The following THSD4 variants were observed in gnomAD, a reference collection of about 807,000 sequenced individuals.
THSD4 encodes the protein thrombospondin type-1 domain-containing protein 4.
A neutral mutation model predicts 119.0 loss-of-function variants in THSD4; 69 were observed. That is an observed-to-expected ratio of 0.58 (90% CI 0.48 to 0.71). The LOEUF is 0.71. Ranked by LOEUF, THSD4 falls within the 30% of genes least tolerant of loss-of-function variation. THSD4 has a pLI of 0.00. For synonymous variants in THSD4, 524 were observed against 540.4 expected, an observed-to-expected ratio of 0.97 and a Z score of 0.42; for missense variants, 1,393 against 1,391.1, an observed-to-expected ratio of 1.00 and a Z score of -0.02.
At chr15:71,145,038 CTTTA>C (rs2040643427) in intron 2 of THSD4, among the ~76,000 whole-genome samples, 1 of 151,554 alleles carries the variant, frequency 6.6e-6, no homozygotes, top group South Asian at 2.1e-4. Flanking sequence ...ACAATTACAT[CTTTA>C]TTTGTTTGTT....
chr15:71,193,247 T>C (rs566828478), intron 3 of THSD4, among the ~76,000 whole-genome samples: 1 of 152,290 alleles, frequency 6.6e-6, no homozygotes, highest in East Asian at 1.9e-4. Context: ...ACCCCCTCTT[T>C]CCTGTAAGCT....
At chr15:71,536,838 C>CT (rs2048694672) in intron 7 of THSD4, among the ~76,000 whole-genome samples, 1 of 152,228 alleles carries the variant, frequency 6.6e-6, no homozygotes, top group South Asian at 2.1e-4. Flanking sequence ...TATCCTCATT[C>CT]TTTTGCGTGT....
intron 7 of THSD4, among the ~76,000 whole-genome samples, chr15:71,546,079 G>A (rs79714492): frequency 1.9e-3 from 288 of 152,210 alleles, no homozygotes; most frequent in African/African-American, 6.8e-3. Flanking sequence ...TTTGTGCCTA[G>A]GTGAGCTCAT....
chr15:71,435,034 G>A (rs186149343), intron 7 of THSD4, among the ~76,000 whole-genome samples: 3 of 152,298 alleles, frequency 2.0e-5, no homozygotes, highest in Admixed American at 2.0e-4. Flanking sequence ...ACTTAAAGAT[G>A]AGCTGCACAA....
chr15:71,198,675 G>T (rs1311600624), intron 3 of THSD4, among the ~76,000 whole-genome samples: 1 of 152,186 alleles, frequency 6.6e-6, no homozygotes, highest in Non-Finnish European at 1.5e-5. Context: ...TTCATGGTCT[G>T]CCTCCTCCTC....
At chr15:71,397,038 C>T (rs961555784) in intron 6 of THSD4, among the ~76,000 whole-genome samples, 2 of 152,192 alleles carry the variant, frequency 1.3e-5, no homozygotes, top group African/African-American at 4.8e-5. Flanking sequence ...CTTCCCAGGA[C>T]TCTAGACAAG....
intron 8 of THSD4, among the ~76,000 whole-genome samples, chr15:71,727,096 C>T (rs974814481): frequency 2.4e-4 from 37 of 152,184 alleles, no homozygotes; most frequent in African/African-American, 5.3e-4. Context: ...CTTTCGTACC[C>T]GCCTCCTGAG....
intron 7 of THSD4, among the ~76,000 whole-genome samples, chr15:71,659,098 T>C (rs188196284): frequency 1.4e-4 from 22 of 152,328 alleles, no homozygotes; most frequent in African/African-American, 5.1e-4. Flanking sequence ...GGTCTGATTA[T>C]TGCACTTAGA....
In THSD4 at chr15:71,201,924, T is replaced by A. The variant is rs541938997; in HGVS notation, c.100-13111T>A. Among the ~76,000 whole-genome samples the A allele has an allele frequency of 1.9e-4, 29 of 152,320 alleles. No homozygotes were observed. The South Asian group carries it at 4.6e-3, about 24-fold the overall frequency. On this transcript the variant is annotated intron_variant, in intron 3 of 17. Transcript: ENST00000261862. ...CAGTTCTTTGCCAGAGCAAGGAATC[T>A]GGCCTGGGAAACTTCTTCTGTGAAT...
intron 6 of THSD4, among the ~76,000 whole-genome samples, chr15:71,393,463 T>C (rs1293966205): frequency 6.6e-6 from 1 of 151,976 alleles, no homozygotes; most frequent in African/African-American, 2.4e-5. Context: ...GGGAGAGAGG[T>C]GAGCCTTGGT....
chr15:71,137,248 C>T (rs1168234616), intron 1 of THSD4, among the ~76,000 whole-genome samples: 1 of 152,168 alleles, frequency 6.6e-6, no homozygotes. Flanking sequence ...CCTTGCCAGA[C>T]GGATATTTGG....
intron 7 of THSD4, among the ~76,000 whole-genome samples, chr15:71,426,086 C>G (rs755183490): frequency 6.6e-6 from 1 of 152,188 alleles, no homozygotes; most frequent in African/African-American, 2.4e-5. Context: ...GAACTCCTCC[C>G]TTATATCCTC....
chr15:71,238,070 G>A (rs1404905823), intron 4 of THSD4, among the ~76,000 whole-genome samples: 1 of 151,970 alleles, frequency 6.6e-6, no homozygotes, highest in Non-Finnish European at 1.5e-5. Context: ...TGGGGGCGGG[G>A]TGGGGGTGTT....
rs1053057309 is a variant in THSD4, at chr15:71,244,900, A to G, written c.912+1804A>G. Reference sequence around the variant, plus strand: ...ACCAAGCAAACCATAGAGAGAAAGTAAAAGAGAGGGCATTTGGCATCCGTG... The same window carrying G: ...ACCAAGCAAACCATAGAGAGAAAGTGAAAGAGAGGGCATTTGGCATCCGTG... On this transcript the variant is annotated intron_variant, in intron 5 of 17. Coordinates refer to ENST00000261862, the MANE Select transcript of THSD4 (RefSeq NM_024817.3). Among the ~76,000 whole-genome samples, 21 of 152,354 alleles carry G rather than the reference A, an allele frequency of 1.4e-4. No individual in the cohort carries two copies. In the East Asian group the frequency reaches 4.1e-3, roughly 29 times the overall value.
chr15:71,378,817 T>C (rs929745085), intron 6 of THSD4, among the ~76,000 whole-genome samples: 2 of 152,216 alleles, frequency 1.3e-5, no homozygotes, highest in Non-Finnish European at 2.9e-5. Flanking sequence ...AGGGTCTCAC[T>C]CTGTTGCCCA....
chr15:71,741,964 A>T (rs948516369), intron 11 of THSD4, among the ~76,000 whole-genome samples: 1 of 152,164 alleles, frequency 6.6e-6, no homozygotes, highest in Non-Finnish European at 1.5e-5. Context: ...CCAGGCGGTG[A>T]TGGCACCAGA....
intron 7 of THSD4, among the ~76,000 whole-genome samples, chr15:71,518,314 G>A (rs2048390412): frequency 1.3e-5 from 2 of 151,626 alleles, no homozygotes; most frequent in Non-Finnish European, 2.9e-5. Context: ...TTATCTGTCA[G>A]CTTTAAAACG....
intron 6 of THSD4, among the ~76,000 whole-genome samples, chr15:71,380,726 C>T (rs1181759565): frequency 6.6e-6 from 1 of 152,070 alleles, no homozygotes; most frequent in East Asian, 1.9e-4. Context: ...AGGTATCCAT[C>T]TTGGTAGTGA....
Position 71,328,630 on chromosome 15 carries a change from T to C in THSD4, c.1015+71915T>C, listed in dbSNP as rs141000371. 8.3e-3 allele frequency among the ~76,000 whole-genome samples: 1,267 copies of C among 152,288 alleles called. 58 individuals carry two copies. The highest frequency in any genetic ancestry group is 0.075 in the Admixed American group (1,149 of 15,296). On this transcript the variant is annotated intron_variant, in intron 6 of 17. Coordinates refer to ENST00000261862, the MANE Select transcript of THSD4 (RefSeq NM_024817.3). ...AGAATGACTTGCTGAATTGTTTCAG[T>C]TGGAACTTTTTTTAGACTCTGAACC... is the stretch of plus-strand genomic sequence containing the variant.
Sources: gnomAD v4.1 joint callset for allele counts (sites outside exome capture counted in the v4.1 genomes callset) on GRCh38, gnomAD v4.1.1 for gene constraint, MANE v1.5 for transcripts, NCBI Gene and HGNC (gene_info 2026-07-23, HGNC 2026-07-21) for gene names.